The following MACROD1 variants were observed in gnomAD, a reference collection of about 807,000 sequenced individuals.
MACROD1 encodes the protein mono-ADP ribosylhydrolase 1, also known as ADP-ribose glycohydrolase MACROD1.
In MACROD1, 31 loss-of-function variants were observed where a neutral mutation model predicts 41.4. The observed-to-expected ratio is 0.75, with a 90% confidence interval of 0.56 to 1.01. The LOEUF is 1.01. Ranked by LOEUF, MACROD1 falls within the 50% of genes least tolerant of loss-of-function variation. The pLI is 0.00. For synonymous variants in MACROD1, 252 were observed against 203.4 expected, an observed-to-expected ratio of 1.24 and a Z score of -2.03; for missense variants, 473 against 460.0, an observed-to-expected ratio of 1.03 and a Z score of -0.26.
intron 3 of MACROD1, among the ~76,000 whole-genome samples, chr11:64,069,494 C>T (rs1944066171): frequency 6.6e-6 from 1 of 152,194 alleles, no homozygotes. Flanking sequence ...GCCTCTGGCT[C>T]TGGGGTAGGG....
chr11:64,155,257 C>T (rs1486820746), intron 1 of MACROD1, among the ~76,000 whole-genome samples: 1 of 152,110 alleles, frequency 6.6e-6, no homozygotes, highest in Non-Finnish European at 1.5e-5. Flanking sequence ...GAGATGATCC[C>T]CTAATTAAAA....
intron 3 of MACROD1, among the ~76,000 whole-genome samples, chr11:64,092,959 A>G (rs1944515856): frequency 6.6e-6 from 1 of 152,204 alleles, no homozygotes; most frequent in Non-Finnish European, 1.5e-5. Context: ...GTGACCCTGC[A>G]GAGGGAGTTC....
At chr11:64,027,752 C>T (rs575054789) in intron 3 of MACROD1, among the ~76,000 whole-genome samples, 1 of 152,262 alleles carries the variant, frequency 6.6e-6, no homozygotes, top group Admixed American at 6.5e-5. Flanking sequence ...CTACACTCGG[C>T]CTACAATTTC....
chr11:64,131,032 G>A (rs1017556985), intron 3 of MACROD1, among the ~76,000 whole-genome samples: 2 of 152,268 alleles, frequency 1.3e-5, no homozygotes, highest in African/African-American at 4.8e-5. Flanking sequence ...TGTTTCAGGT[G>A]TTAAGTAATT....
At chr11:64,065,544 C>T (rs192549861) in intron 3 of MACROD1, among the ~76,000 whole-genome samples, 9 of 152,272 alleles carry the variant, frequency 5.9e-5, no homozygotes, top group Admixed American at 5.9e-4. Flanking sequence ...AATCCCAGCA[C>T]TTTGGGAGGC....
At chr11:64,145,646 T>C (rs1290593454) in intron 3 of MACROD1, among the ~76,000 whole-genome samples, 1 of 152,206 alleles carries the variant, frequency 6.6e-6, no homozygotes, top group African/African-American at 2.4e-5. Flanking sequence ...TGGGCTGGCA[T>C]TGAAACAAAA....
intron 3 of MACROD1, chr11:64,103,372 G>A (rs1944704784): frequency 6.6e-6 from 1 of 152,212 alleles, no homozygotes; most frequent in Admixed American, 6.5e-5. Context: ...AAGGGCATGT[G>A]GGGGCCTGAC....
intron 3 of MACROD1, among the ~76,000 whole-genome samples, chr11:64,119,466 C>A (rs1945058861): frequency 6.6e-6 from 1 of 152,182 alleles, no homozygotes; most frequent in Admixed American, 6.5e-5. Flanking sequence ...ACTTTCTGAG[C>A]ATTTACCATG....
chr11:64,088,686 G>A (rs1944437742), intron 3 of MACROD1, among the ~76,000 whole-genome samples: 1 of 152,184 alleles, frequency 6.6e-6, no homozygotes, highest in African/African-American at 2.4e-5. Context: ...CGACCCCTCT[G>A]GGTCTCGGCT....
chr11:64,109,096 C>T (rs1000371817), intron 3 of MACROD1, among the ~76,000 whole-genome samples: 1 of 152,160 alleles, frequency 6.6e-6, no homozygotes, highest in African/African-American at 2.4e-5. Context: ...ATGCCCCCAT[C>T]CCAGGGATGG....
intron 3 of MACROD1, among the ~76,000 whole-genome samples, chr11:64,056,939 C>T (rs914062625): frequency 1.3e-5 from 2 of 152,198 alleles, no homozygotes; most frequent in African/African-American, 2.4e-5. Context: ...AGGACAGCCC[C>T]TCCTTTGCTC....
At chr11:64,085,459 G>A (rs151161759) in intron 3 of MACROD1, among the ~76,000 whole-genome samples, 284 of 152,356 alleles carry the variant, frequency 1.9e-3, no homozygotes, top group African/African-American at 6.6e-3. Context: ...CGGGGCTGCC[G>A]GGACCAGGCC....
At chr11:64,065,143 G>A (rs555164911) in intron 3 of MACROD1, among the ~76,000 whole-genome samples, 4 of 152,232 alleles carry the variant, frequency 2.6e-5, no homozygotes, top group Non-Finnish European at 5.9e-5. Flanking sequence ...GGGCCTGGAG[G>A]TGAGGTAGAA....
At chr11:64,141,899 C>T (rs554789380) in intron 3 of MACROD1, among the ~76,000 whole-genome samples, 2 of 152,300 alleles carry the variant, frequency 1.3e-5, no homozygotes, top group South Asian at 4.1e-4. Flanking sequence ...GCTTTGCCAC[C>T]TTCCTGCTGT....
chr11:64,030,345 G>C lies in MACROD1; in HGVS notation c.518-15064C>G, dbSNP rs376859908. Among the ~76,000 whole-genome samples the C allele has an allele frequency of 2.0e-5, 3 of 152,316 alleles. No homozygotes were observed. The South Asian group carries it at 6.2e-4, about 32-fold the overall frequency. ...CCTTGAAGGGCTCTGTCAGCCTGAT[G>C]CTCGCTCCTGTTTAATGTTCTGTCC... On this transcript the variant is annotated intron_variant, in intron 3 of 10. Transcript: ENST00000255681.
chr11:64,056,599 G>A (rs1461992671), intron 3 of MACROD1, among the ~76,000 whole-genome samples: 3 of 152,236 alleles, frequency 2.0e-5, no homozygotes, highest in Admixed American at 2.0e-4. Context: ...GGCCAGCCCT[G>A]AGTCCGGATG....
At chr11:64,061,702 CTT>C (rs35179984) in intron 3 of MACROD1, among the ~76,000 whole-genome samples, 25 of 141,714 alleles carry the variant, frequency 1.8e-4, no homozygotes, top group Admixed American at 3.5e-4. Flanking sequence ...GTAAATGAGA[CTT>C]TTTTTTTTTT....
At position 64,095,420 on chromosome 11, in the gene MACROD1, G is replaced by T. The variant is rs963130270; in HGVS notation, c.517+55819C>A. Among the ~76,000 whole-genome samples, 13 of 152,306 alleles carry T rather than the reference G, an allele frequency of 8.5e-5. No homozygotes were observed. The East Asian group carries it at 2.5e-3, about 29-fold the overall frequency. ...TCTCGGCCAGAGAGAGCATGTTTAT[G>T]GGAAGGAGGGAAAGGGTGGGAGATT... On this transcript the variant is annotated intron_variant, in intron 3 of 10. Transcript: ENST00000255681.
chr11:64,058,411 G>T (rs1943832582), intron 3 of MACROD1, among the ~76,000 whole-genome samples: 1 of 152,244 alleles, frequency 6.6e-6, no homozygotes, highest in African/African-American at 2.4e-5. Flanking sequence ...CTTGGGGGGG[G>T]GTCCTCCCCT....
Sources: allele counts gnomAD v4.1 joint callset (sites outside exome capture counted in the v4.1 genomes callset), GRCh38; gene constraint gnomAD v4.1.1; transcripts MANE v1.5; gene names NCBI Gene and HGNC (gene_info 2026-07-23, HGNC 2026-07-21).